MYO5A: variants seen among roughly 807,000 people sequenced by gnomAD.
MYO5A encodes the protein unconventional myosin-Va.
MYO5A carries 98 observed loss-of-function variants against 249.7 expected under a neutral mutation model. That is an observed-to-expected ratio of 0.39 (90% CI 0.33 to 0.46). MYO5A has a LOEUF of 0.46. Ranked by LOEUF, MYO5A falls within the 20% of genes least tolerant of loss-of-function variation. The probability of loss-of-function intolerance (pLI) is 0.98; values close to 1 mark genes in which losing one functional copy is unlikely to be tolerated. For synonymous variants in MYO5A, 778 were observed against 810.6 expected, an observed-to-expected ratio of 0.96 and a Z score of 0.68; for missense variants, 1,696 against 2,308.8, an observed-to-expected ratio of 0.73 and a Z score of 5.44.
At chr15:52,499,924 T>G (rs890427867) in intron 1 of MYO5A, among the ~76,000 whole-genome samples, 6 of 152,168 alleles carry the variant, frequency 3.9e-5, no homozygotes, top group Non-Finnish European at 7.4e-5. Context: ...AGGTCACACC[T>G]GTAACCCCAG....
Position 52,505,329 on chromosome 15 carries a change from C to A in MYO5A, c.27+23451G>T. 7.7e-6 allele frequency: 6 copies of A among 777,592 alleles called. No individual in the cohort carries two copies. In the Admixed American group the frequency reaches 1.0e-4, roughly 13 times the overall value. 48.2% of individuals were successfully genotyped at this position (777,592 alleles called of 1,614,324 possible). On this transcript the variant is annotated intron_variant, in intron 1 of 41. Coordinates refer to ENST00000399233, the MANE Select transcript of MYO5A (RefSeq NM_001382347.1). ...AAGCAGTGCCCCGCCCACTGCCTGC[C>A]GACTTGTGTCATGCTCTATGTTGGT...
At chr15:52,335,944 G>A (rs2039098831) in intron 34 of MYO5A, among the ~76,000 whole-genome samples, 1 of 152,086 alleles carries the variant, frequency 6.6e-6, no homozygotes, top group Non-Finnish European at 1.5e-5. Context: ...TTATTAGGTT[G>A]ATGCAAAGGC....
chr15:52,525,435 T>A (rs1289166975), intron 1 of MYO5A, among the ~76,000 whole-genome samples: 1 of 152,246 alleles, frequency 6.6e-6, no homozygotes, highest in Non-Finnish European at 1.5e-5. Context: ...GGAAGCCTTG[T>A]TAAATTGCTG....
intron 36 of MYO5A, among the ~76,000 whole-genome samples, chr15:52,326,533 C>T (rs1438819457): frequency 1.3e-5 from 2 of 152,066 alleles, no homozygotes; most frequent in African/African-American, 2.4e-5. Context: ...ATCAAAAGTT[C>T]GCTCCCCAGG....
In MYO5A at chr15:52,426,115, G is replaced by A. The variant is rs189547131; in HGVS notation, c.311-141C>T. Reference sequence around the variant, plus strand: ...AATATTAAACCAATAAATTGTTCAAGGATCAAAATGTATCATAGCCTTCGC... The same window carrying A: ...AATATTAAACCAATAAATTGTTCAAAGATCAAAATGTATCATAGCCTTCGC... On this transcript the variant is annotated intron_variant, in intron 3 of 41. Coordinates refer to ENST00000399233, the MANE Select transcript of MYO5A (RefSeq NM_001382347.1). 9.0e-6 allele frequency: 7 copies of A among 779,626 alleles called. No homozygotes were observed. In the African/African-American group the frequency reaches 1.2e-4, roughly 14 times the overall value. The allele number at this position is 779,626 out of a possible 1,614,324, so 48.3% of individuals were successfully genotyped here.
intron 1 of MYO5A, among the ~76,000 whole-genome samples, chr15:52,486,167 A>C (rs1249374569): frequency 6.6e-6 from 1 of 152,118 alleles, no homozygotes; most frequent in African/African-American, 2.4e-5. Flanking sequence ...GGGGTGGGGG[A>C]TGGTGAAACA....
chr15:52,420,701 A>G (rs1245763650), intron 4 of MYO5A, among the ~76,000 whole-genome samples: 1 of 152,234 alleles, frequency 6.6e-6, no homozygotes, highest in African/African-American at 2.4e-5. Flanking sequence ...GTAAAATCTG[A>G]GTGGGATAAT....
chr15:52,435,262 C>A (rs1323604691), intron 1 of MYO5A, among the ~76,000 whole-genome samples: 1 of 143,406 alleles, frequency 7.0e-6, no homozygotes, highest in African/African-American at 2.6e-5. Context: ...ATTACGTTAA[C>A]CTCTTTTTTT....
intron 1 of MYO5A, among the ~76,000 whole-genome samples, chr15:52,502,239 C>T (rs1458101010): frequency 6.6e-6 from 1 of 151,934 alleles, no homozygotes; most frequent in Non-Finnish European, 1.5e-5. Flanking sequence ...GCCAAGATCG[C>T]GCCACTGCAC....
intron 1 of MYO5A, among the ~76,000 whole-genome samples, chr15:52,502,059 G>A (rs774066583): frequency 2.6e-5 from 4 of 152,102 alleles, no homozygotes; most frequent in South Asian, 4.1e-4. Flanking sequence ...AGGCCAAAGC[G>A]GGCAGATCAC....
chr15:52,505,427 G>A (rs891832927), intron 1 of MYO5A: 2 of 843,218 alleles, frequency 2.4e-6, no homozygotes, highest in Admixed American at 1.7e-5. Flanking sequence ...GGCAAGTATG[G>A]TCCTGCAGAT....
In MYO5A at chr15:52,387,915, GA is replaced by G. The variant is rs1355130339; in HGVS notation, c.1669-4del. ...AATCCTTCACACTGGTATTCCACCT[GA>G]AAACACATGGAAAAATCTCCTTAAC... On this transcript the variant is annotated splice_polypyrimidine_tract_variant and splice_region_variant and intron_variant, in intron 13 of 41. Transcript: ENST00000399233. The G allele has an allele frequency of 6.2e-7, 1 of 1,601,518 alleles. No individual in the cohort carries two copies. Among genetic ancestry groups the G allele is most frequent in the Non-Finnish European group, 8.5e-7 (1 of 1,169,844 alleles).
At chr15:52,442,917 A>T (rs138424806) in intron 1 of MYO5A, among the ~76,000 whole-genome samples, 137 of 152,170 alleles carry the variant, frequency 9.0e-4, no homozygotes, top group African/African-American at 3.1e-3. Flanking sequence ...CATGCCACCA[A>T]TCCTGGCTAA....
chr15:52,412,098 C>T (rs986446954), intron 5 of MYO5A, among the ~76,000 whole-genome samples: 19 of 152,100 alleles, frequency 1.2e-4, no homozygotes, highest in African/African-American at 3.9e-4. Flanking sequence ...TATATTCTTC[C>T]GAAGAGCAAA....
At chr15:52,372,414 T>C in intron 20 of MYO5A, 51 bp from the exon 21 acceptor site, 3 of 1,595,100 alleles carry the variant, frequency 1.9e-6, no homozygotes, top group Non-Finnish European at 2.5e-6. Flanking sequence ...ACTACACTCA[T>C]GATTATCAAT....
intron 35 of MYO5A, among the ~76,000 whole-genome samples, chr15:52,329,792 G>A (rs2038785276): frequency 6.6e-6 from 1 of 151,908 alleles, no homozygotes; most frequent in South Asian, 2.1e-4. Flanking sequence ...AGGGTGGAGT[G>A]CAGTGGTATA....
intron 27 of MYO5A, among the ~76,000 whole-genome samples, chr15:52,353,319 C>G (rs148074629): frequency 1.5e-3 from 226 of 152,314 alleles, no homozygotes; most frequent in African/African-American, 5.2e-3. Flanking sequence ...CCCCATCATA[C>G]CCAATTGGAT....
At chr15:52,475,281 C>A (rs1477531175) in intron 1 of MYO5A, among the ~76,000 whole-genome samples, 1 of 152,002 alleles carries the variant, frequency 6.6e-6, no homozygotes, top group Non-Finnish European at 1.5e-5. Flanking sequence ...TCTCTCTTTT[C>A]TTCTTTAGTA....
At chr15:52,425,567 C>T (rs1393890353) in intron 4 of MYO5A, among the ~76,000 whole-genome samples, 1 of 152,096 alleles carries the variant, frequency 6.6e-6, no homozygotes, top group East Asian at 1.9e-4. Context: ...GCCATGTTGG[C>T]CAGGCTAGTC....
Sources: gnomAD v4.1 joint callset for allele counts (sites outside exome capture counted in the v4.1 genomes callset) on GRCh38, gnomAD v4.1.1 for gene constraint, MANE v1.5 for transcripts, NCBI Gene and HGNC (gene_info 2026-07-23, HGNC 2026-07-21) for gene names.